Variants in PCDH17 observed in about 807,000 individuals in gnomAD.
PCDH17 encodes protocadherin 17.
PCDH17 carries 21 observed loss-of-function variants against 67.7 expected under a neutral mutation model. That is an observed-to-expected ratio of 0.31 (90% CI 0.22 to 0.45). The LOEUF (loss-of-function observed/expected upper bound fraction) is 0.45, where lower values mean the gene tolerates loss of function less well. Among genes scored for constraint, PCDH17 ranks in the 20% least tolerant of loss-of-function variants. The pLI, the probability that PCDH17 is intolerant of heterozygous loss-of-function variation, is 1.00. For synonymous variants in PCDH17, 701 were observed against 656.7 expected (o/e 1.07, Z -1.03); for missense variants, 1,471 against 1,564.8 (o/e 0.94, Z 1.01).
At chr13:57,680,689 C>G (rs1326486621) in intron 3 of PCDH17, among the ~76,000 whole-genome samples, 1 of 151,588 alleles carries the variant, frequency 6.6e-6, no homozygotes, top group Non-Finnish European at 1.5e-5. Context: ...TTCAAAAGGA[C>G]AGTGGCATGT....
chr13:57,666,914 A>G, intron 3 of PCDH17, 81 bp downstream of exon 3: 1 of 1,110,770 alleles, frequency 9.0e-7, no homozygotes, highest in Non-Finnish European at 1.3e-6. Context: ...GTTGCAGTTT[A>G]TCACAGTGGA....
intron 3 of PCDH17, among the ~76,000 whole-genome samples, chr13:57,719,788 A>T (rs913787453): frequency 4.6e-5 from 7 of 152,050 alleles, no homozygotes; most frequent in African/African-American, 1.4e-4. Flanking sequence ...TGGACACTAC[A>T]GAATCAGAAT....
rs749995168 is a variant in PCDH17 at position 57,634,727 on chromosome 13, C to T, written c.2181C>T (p.Ala727=). ...TCCTAGCGGCCATGATCACCATCGC[C>T]GTCAAGTGCAAGCGCGAGAACAAGG... is the stretch of plus-strand genomic sequence containing the variant. ...IILLAAMITI[A]VKCKRENKEI... The change falls in exon 1 of 4, where the codon GCC becomes GCT. Residue 727 remains alanine (A), a synonymous_variant. Transcript: ENST00000377918. The surrounding 1 kb of genome is among the most constrained non-coding windows in gnomAD (Gnocchi z 7.8). The T allele has an allele frequency of 1.9e-6, 3 of 1,613,950 alleles. No individual in the cohort carries two copies. The highest frequency in any genetic ancestry group is 2.5e-6 in the Non-Finnish European group (3 of 1,180,026).
chr13:57,706,558 A>C (rs1396054049), intron 3 of PCDH17, among the ~76,000 whole-genome samples: 1 of 152,170 alleles, frequency 6.6e-6, no homozygotes, highest in Non-Finnish European at 1.5e-5. Context: ...GGAGACTAGA[A>C]GTACAAAATC....
chr13:57,711,933 G>T (rs1955780497), intron 3 of PCDH17, among the ~76,000 whole-genome samples: 2 of 151,006 alleles, frequency 1.3e-5, no homozygotes, highest in African/African-American at 2.4e-5. Context: ...ATTTATATTT[G>T]GGATTTTATG....
chr13:57,678,536 G>A (rs2138043739), intron 3 of PCDH17, among the ~76,000 whole-genome samples: 1 of 151,626 alleles, frequency 6.6e-6, no homozygotes, highest in South Asian at 2.1e-4. Context: ...GGAAGAAAAG[G>A]GTAAACAATT....
rs1448854843 is a variant in PCDH17 at position 57,652,292 on chromosome 13, AAAAAAAAAAAG to A, written c.2566-14173_2566-14163del. Among the ~76,000 whole-genome samples, 3 of 151,490 alleles carry A rather than the reference AAAAAAAAAAAG, an allele frequency of 2.0e-5. No individual in the cohort carries two copies. In the East Asian group the frequency reaches 5.8e-4, roughly 29 times the overall value. On this transcript the variant is annotated intron_variant, in intron 1 of 3. Transcript: ENST00000377918. ...AGAGCGAGACTCCGTCTCAAAAAAA[AAAAAAAAAAAG>A]AACACTTACGACTATAAAAAGGTAG...
At chr13:57,695,786 A>T (rs1955601284) in intron 3 of PCDH17, among the ~76,000 whole-genome samples, 1 of 151,414 alleles carries the variant, frequency 6.6e-6, no homozygotes, top group Non-Finnish European at 1.5e-5. Flanking sequence ...GTCCTCAAAG[A>T]TTAAAACCAT....
At chr13:57,654,827 C>A (rs1319581849) in intron 1 of PCDH17, among the ~76,000 whole-genome samples, 1 of 151,788 alleles carries the variant, frequency 6.6e-6, no homozygotes, top group Admixed American at 6.6e-5. Flanking sequence ...AAAATGATAA[C>A]TATCATAGAA....
At chr13:57,697,983 T>C (rs1955627087) in intron 3 of PCDH17, among the ~76,000 whole-genome samples, 1 of 151,662 alleles carries the variant, frequency 6.6e-6, no homozygotes, top group African/African-American at 2.4e-5. Flanking sequence ...TATTCTTCAG[T>C]TGTTTCCACA....
At chr13:57,659,567 T>C (rs1955158037) in intron 1 of PCDH17, among the ~76,000 whole-genome samples, 1 of 152,082 alleles carries the variant, frequency 6.6e-6, no homozygotes, top group African/African-American at 2.4e-5. Context: ...AACCCCACAT[T>C]TTGAATACTC....
Position 57,633,279 on chromosome 13 carries a change from G to A in PCDH17, c.733G>A (p.Ala245Thr), listed in dbSNP as rs1954757132. 3.1e-6 allele frequency: 5 copies of A among 1,613,338 alleles called. No individual in the cohort carries two copies. The highest frequency in any genetic ancestry group is 1.3e-5 in the African/African-American group (1 of 75,014). The change falls in exon 1 of 4, where the codon GCG becomes ACG. Residue 245 changes from alanine (A) to threonine (T), a missense_variant. Around this residue, in one of 3 missense-constraint regions of PCDH17, gnomAD observed 1,163 missense variants for 1,230.0 expected, o/e 0.95. Transcript: ENST00000377918. This position sits in a 1 kb window ranked among gnomAD's most constrained non-coding sequence, Gnocchi z 6.2. ...CAACGACAACAGCCCGGTCTTCGAG[G>A]CGCCATCCTACTTGGTGGAACTGCC... ...DSNDNSPVFE[A>T]PSYLVELPEN...
In PCDH17 at chr13:57,634,291, T is replaced by C. The variant is rs1248377962; in HGVS notation, c.1745T>C (p.Val582Ala). The C allele has an allele frequency of 6.2e-7, 1 of 1,613,000 alleles. No homozygotes were observed. ...CTAGACGTGAATGACAACGCGCCAG[T>C]GATCGTGCTCCCCACGCTGCAGAAC... Reference protein sequence around the residue: ...TVLDVNDNAPVIVLPTLQNDT... With the variant: ...TVLDVNDNAPAIVLPTLQNDT... Residue 582 changes from valine (V) to alanine (A), a missense_variant, in exon 1 of 4, where the codon GTG becomes GCG. By Grantham distance (64) the Val-to-Ala change is moderately conservative. Transcript: ENST00000377918. This position sits in a 1 kb window ranked among gnomAD's most constrained non-coding sequence, Gnocchi z 7.8.
chr13:57,651,574 G>A lies in PCDH17; in HGVS notation c.2566-14894G>A, dbSNP rs74774379. ...GCTGGTCTCAAACTCCAGGTCTCAAGCCATCCATCCGCCTCAGCCTCTCAA... is the reference window on the plus strand; with the variant it reads ...GCTGGTCTCAAACTCCAGGTCTCAAACCATCCATCCGCCTCAGCCTCTCAA... On this transcript the variant is annotated intron_variant, in intron 1 of 3. Transcript: ENST00000377918. 5.1e-3 allele frequency among the ~76,000 whole-genome samples: 778 copies of A among 152,052 alleles called. 44 individuals are homozygous for A. The East Asian group carries it at 0.12, about 23-fold the overall frequency.
chr13:57,662,086 C>T (rs773834575), intron 1 of PCDH17, among the ~76,000 whole-genome samples: 2 of 152,012 alleles, frequency 1.3e-5, no homozygotes, highest in Non-Finnish European at 2.9e-5. Flanking sequence ...AGGCTGGTCT[C>T]GAACTCCTGG....
chr13:57,694,061 A>G (rs1955584648), intron 3 of PCDH17, among the ~76,000 whole-genome samples: 1 of 150,786 alleles, frequency 6.6e-6, no homozygotes, highest in East Asian at 1.9e-4. Flanking sequence ...GCCAAGTTTT[A>G]TATTTCCATC....
At position 57,673,848 on chromosome 13, in the gene PCDH17, C is replaced by A. The variant is rs537985259; in HGVS notation, c.2797+7015C>A. Among the ~76,000 whole-genome samples the A allele has an allele frequency of 9.2e-5, 14 of 152,036 alleles. No individual in the cohort carries two copies. In the South Asian group the frequency reaches 1.7e-3, roughly 18 times the overall value. On this transcript the variant is annotated intron_variant, in intron 3 of 3. Transcript: ENST00000377918. Reference sequence around the variant, plus strand: ...TAGCTTCTCAGTGTCAATTTTCCCACCCCCCTGTGCTGTCTTTCAAGACTT... The same window carrying A: ...TAGCTTCTCAGTGTCAATTTTCCCAACCCCCTGTGCTGTCTTTCAAGACTT...
intron 3 of PCDH17, among the ~76,000 whole-genome samples, chr13:57,685,653 T>C (rs957312861): frequency 2.0e-4 from 30 of 152,198 alleles, no homozygotes; most frequent in African/African-American, 7.2e-4. Flanking sequence ...TGAAAATTTA[T>C]CTTACCTGTG....
At chr13:57,645,861 T>G (rs1954958663) in intron 1 of PCDH17, among the ~76,000 whole-genome samples, 1 of 151,370 alleles carries the variant, frequency 6.6e-6, no homozygotes, top group South Asian at 2.1e-4. Context: ...TTTAAGGCTT[T>G]AAGGATTACC....
Sources: gnomAD v4.1 joint callset for allele counts (sites outside exome capture counted in the v4.1 genomes callset) on GRCh38, gnomAD v4.1.1 for gene constraint, gnomAD v4.1.1 regional missense constraint, Gnocchi (gnomAD v3.1) non-coding constraint, MANE v1.5 for transcripts, NCBI Gene and HGNC (gene_info 2026-07-23, HGNC 2026-07-21) for gene names.